The following FARP2 variants were observed in gnomAD, a reference collection of about 807,000 sequenced individuals.
FARP2 encodes FERM, ARHGEF and pleckstrin domain-containing protein 2.
In FARP2, 111 loss-of-function variants were observed where a neutral mutation model predicts 130.5. The ratio of observed to expected loss-of-function variants is 0.85; its 90% CI spans 0.73 to 1.00. The LOEUF (loss-of-function observed/expected upper bound fraction) is 1.00. Ranked by LOEUF, FARP2 falls within the 50% of genes least tolerant of loss-of-function variation. The pLI is 0.00. For synonymous variants in FARP2, 504 were observed against 516.9 expected, an observed-to-expected ratio of 0.98 and a Z score of 0.34; for missense variants, 1,385 against 1,346.3, an observed-to-expected ratio of 1.03 and a Z score of -0.45.
At position 241,456,867 on chromosome 2, in the gene FARP2, C is replaced by G; in HGVS notation, c.1532C>G (p.Pro511Arg). ...AEQGSSPLLS[P>R]VLSDAGGAGM... ...CAGGGCTCATCCCCACTCCTGAGCCCTGTCCTCAGTGATGCTGGCGGAGCC... is the reference window on the plus strand; with the variant it reads ...CAGGGCTCATCCCCACTCCTGAGCCGTGTCCTCAGTGATGCTGGCGGAGCC... The change falls in exon 14 of 27, where the codon CCT (proline) becomes CGT (arginine). Residue 511 changes from proline (P) to arginine (R), a missense_variant. Physicochemically the swap from Pro to Arg is moderately radical, Grantham distance 103. Coordinates refer to ENST00000264042, the MANE Select transcript of FARP2 (RefSeq NM_014808.4). The G allele has an allele frequency of 6.2e-7, 1 of 1,613,254 alleles. No homozygotes were observed. The highest frequency in any genetic ancestry group is 8.5e-7 in the Non-Finnish European group (1 of 1,179,662).
chr2:241,478,513 C>A, intron 19 of FARP2: 1 of 363,930 alleles, frequency 2.7e-6, no homozygotes, highest in South Asian at 2.4e-5. Context: ...ACTTCCTGTA[C>A]TCCTTGTATC....
intron 18 of FARP2, among the ~76,000 whole-genome samples, chr2:241,472,401 C>T (rs375918008): frequency 2.1e-5 from 3 of 143,022 alleles, no homozygotes; most frequent in South Asian, 2.3e-4. Flanking sequence ...CCTGTTCAGA[C>T]GGGGATGCTG....
intron 18 of FARP2, among the ~76,000 whole-genome samples, chr2:241,471,816 C>T (rs1319857716): frequency 6.6e-6 from 1 of 151,956 alleles, no homozygotes; most frequent in Admixed American, 6.6e-5. Context: ...TCTACGGAGA[C>T]CCTATTTTGT....
intron 22 of FARP2, among the ~76,000 whole-genome samples, chr2:241,490,382 C>G (rs935380347): frequency 1.3e-5 from 2 of 152,186 alleles, no homozygotes; most frequent in Admixed American, 1.3e-4. Flanking sequence ...GGCGCTTCCC[C>G]AACCCTCACG....
chr2:241,356,901 G>A (rs1302265898), intron 1 of FARP2, among the ~76,000 whole-genome samples: 1 of 152,270 alleles, frequency 6.6e-6, no homozygotes, highest in Admixed American at 6.5e-5. Flanking sequence ...GTATCTTAAA[G>A]GTGGGAATCA....
At chr2:241,474,402 T>C (rs941142827) in intron 18 of FARP2, among the ~76,000 whole-genome samples, 4 of 140,442 alleles carry the variant, frequency 2.8e-5, no homozygotes, top group Admixed American at 1.4e-4. Flanking sequence ...TGCCCAGGGC[T>C]AGAGCTGAGC....
intron 17 of FARP2, among the ~76,000 whole-genome samples, 174 bp from the exon 18 acceptor site, chr2:241,467,966 G>A (rs1033739278): frequency 6.6e-6 from 1 of 152,216 alleles, no homozygotes; most frequent in Non-Finnish European, 1.5e-5. Context: ...ATCTGAGACG[G>A]GTTGAGATGC....
intron 3 of FARP2, 103 bp downstream of exon 3, chr2:241,404,035 G>A (rs2062266879): frequency 1.5e-6 from 1 of 669,464 alleles, no homozygotes. Context: ...AAATGTTTTT[G>A]CTATTAAAAT....
chr2:241,491,606 C>T lies in FARP2; in HGVS notation c.2714C>T (p.Ala905Val). ...SSLEGHGQHR[A>V]NTTMHVCWYR... ...CTGGAGGGGCATGGCCAGCACCGGG[C>T]CAACACCACAATGCACGTGTGCTGG... Residue 905 changes from alanine (A) to valine (V), a missense_variant, in exon 24 of 27, where the codon GCC becomes GTC. Coordinates refer to ENST00000264042, the MANE Select transcript of FARP2 (RefSeq NM_014808.4). 6.2e-7 allele frequency: 1 copy of T among 1,613,732 alleles called. No individual in the cohort carries two copies. Among genetic ancestry groups the T allele is most frequent in the Non-Finnish European group, 8.5e-7 (1 of 1,179,970 alleles).
At chr2:241,371,742 T>A (rs1475934395) in intron 1 of FARP2, among the ~76,000 whole-genome samples, 1 of 151,916 alleles carries the variant, frequency 6.6e-6, no homozygotes, top group Non-Finnish European at 1.5e-5. Context: ...CCACCAGTTT[T>A]GCCATATTTT....
intron 7 of FARP2, among the ~76,000 whole-genome samples, chr2:241,415,810 G>A (rs564787391): frequency 3.9e-5 from 6 of 152,314 alleles, no homozygotes; most frequent in Non-Finnish European, 8.8e-5. Flanking sequence ...ACAGGAGCAG[G>A]TTTCTGAGCT....
intron 7 of FARP2, among the ~76,000 whole-genome samples, chr2:241,414,344 A>C (rs2062608063): frequency 1.3e-5 from 2 of 152,182 alleles, no homozygotes; most frequent in Admixed American, 1.3e-4. Flanking sequence ...TTAGTCACCA[A>C]AGGGGAGCAC....
Position 241,493,046 on chromosome 2 carries a change from T to A in FARP2, c.2895+10T>A. ...CTACAAAACTCATCAGGTACTGGAG[T>A]TTCACTGGAGCCCAATGCAGGTGAT... On this transcript the variant is annotated intron_variant, in intron 25 of 26. Transcript: ENST00000264042. The A allele has an allele frequency of 6.8e-7, 1 of 1,464,476 alleles. No individual in the cohort carries two copies. The highest frequency in any genetic ancestry group is 9.6e-7 in the Non-Finnish European group (1 of 1,043,274). 90.7% of individuals were successfully genotyped at this position (1,464,476 alleles called of 1,614,324 possible).
intron 1 of FARP2, among the ~76,000 whole-genome samples, chr2:241,366,476 C>T (rs895404142): frequency 6.6e-6 from 1 of 151,646 alleles, no homozygotes; most frequent in Non-Finnish European, 1.5e-5. Context: ...AAAAAAATAA[C>T]CTGGGGAGTA....
intron 21 of FARP2, chr2:241,489,259 TAAGGG>T (rs1431607454): frequency 6.6e-6 from 1 of 152,378 alleles, no homozygotes; most frequent in East Asian, 1.9e-4. Flanking sequence ...TCCTGACTGT[TAAGGG>T]AAGGATGATG....
At chr2:241,468,694 C>G (rs2064236013) in intron 18 of FARP2, among the ~76,000 whole-genome samples, 1 of 152,220 alleles carries the variant, frequency 6.6e-6, no homozygotes, top group African/African-American at 2.4e-5. Flanking sequence ...AGGGCATGCT[C>G]CTGCTGGGGA....
At chr2:241,465,492 G>T (rs1469290831) in intron 17 of FARP2, 2 of 1,550,412 alleles carry the variant, frequency 1.3e-6, no homozygotes, top group Non-Finnish European at 1.7e-6. Flanking sequence ...ATGTAGCAGG[G>T]GTCACAAAAA....
At chr2:241,435,987 A>T (rs1310155386) in intron 11 of FARP2, among the ~76,000 whole-genome samples, 1 of 127,184 alleles carries the variant, frequency 7.9e-6, no homozygotes, top group Non-Finnish European at 1.6e-5. Context: ...ATCTCGGCTC[A>T]CTGCAAGCTC....
At chr2:241,493,844 G>A in intron 26 of FARP2, 164 bp from the exon 27 acceptor site, 1 of 540,414 alleles carries the variant, frequency 1.9e-6, no homozygotes, top group South Asian at 3.6e-5. Context: ...TGATCCATCT[G>A]CCTCAGCCTC....
Sources: gnomAD v4.1 joint callset for allele counts (sites outside exome capture counted in the v4.1 genomes callset) on GRCh38, gnomAD v4.1.1 for gene constraint, MANE v1.5 for transcripts, NCBI Gene and HGNC (gene_info 2026-07-23, HGNC 2026-07-21) for gene names.